Variants in LRRC72 observed in about 807,000 individuals in gnomAD.
The protein encoded by LRRC72 is leucine-rich repeat-containing protein 72.
A neutral mutation model predicts 35.8 loss-of-function variants in LRRC72; 41 were observed. The observed-to-expected ratio is 1.15, with a 90% CI of 0.89 to 1.49. LRRC72 has a LOEUF of 1.49. LRRC72 is among the 40% of genes most tolerant of loss of function. The pLI is 0.00. For missense variants in LRRC72, 389 were observed against 330.7 expected, an observed-to-expected ratio of 1.18 and a Z score of -1.37; for synonymous variants, 118 against 119.2, an observed-to-expected ratio of 0.99 and a Z score of 0.07.
intron 7 of LRRC72, among the ~76,000 whole-genome samples, chr7:16,573,717 C>T (rs1021062095): frequency 6.6e-6 from 1 of 152,166 alleles, no homozygotes; most frequent in African/African-American, 2.4e-5. Context: ...AAAACTTAGG[C>T]AATACCATTC....
intron 5 of LRRC72, among the ~76,000 whole-genome samples, chr7:16,561,546 A>G (rs1782743971): frequency 6.6e-6 from 1 of 152,204 alleles, no homozygotes; most frequent in African/African-American, 2.4e-5. Flanking sequence ...GCCTGGTAGT[A>G]CAATGTCCAT....
intron 3 of LRRC72, among the ~76,000 whole-genome samples, chr7:16,547,724 C>T (rs1782473188): frequency 6.6e-6 from 1 of 152,274 alleles, no homozygotes; most frequent in Admixed American, 6.5e-5. Context: ...CCCCTGCCAC[C>T]TTGGCCCCCT....
At chr7:16,567,318 T>C (rs1782862581) in intron 6 of LRRC72, 73 bp from the exon 7 acceptor site, 7 of 1,026,482 alleles carry the variant, frequency 6.8e-6, no homozygotes, top group Admixed American at 7.0e-5. Context: ...TTCTTGAAAG[T>C]GTTCAGTTCT....
intron 3 of LRRC72, among the ~76,000 whole-genome samples, chr7:16,546,576 T>C (rs1473479172): frequency 6.6e-6 from 1 of 152,188 alleles, no homozygotes; most frequent in African/African-American, 2.4e-5. Flanking sequence ...ACTCCTCTGC[T>C]CAAAACCTCT....
intron 3 of LRRC72, among the ~76,000 whole-genome samples, chr7:16,552,130 A>G (rs145066676): frequency 6.6e-6 from 1 of 152,258 alleles, no homozygotes; most frequent in Non-Finnish European, 1.5e-5. Context: ...AGAGGAGAAA[A>G]TCTGTTTTTT....
intron 1 of LRRC72, among the ~76,000 whole-genome samples, chr7:16,527,719 C>G (rs1782095883): frequency 6.6e-6 from 1 of 152,068 alleles, no homozygotes; most frequent in Non-Finnish European, 1.5e-5. Context: ...TGTGATTAAA[C>G]GAGGCCGAGA....
chr7:16,529,005 C>G (rs1562734517), intron 1 of LRRC72, among the ~76,000 whole-genome samples: 1 of 152,054 alleles, frequency 6.6e-6, no homozygotes, highest in Non-Finnish European at 1.5e-5. Flanking sequence ...ATATATATTT[C>G]ATATATATGT....
intron 3 of LRRC72, among the ~76,000 whole-genome samples, chr7:16,549,807 C>T (rs570536372): frequency 6.6e-6 from 1 of 152,128 alleles, no homozygotes; most frequent in African/African-American, 2.4e-5. Flanking sequence ...AGATGCTACA[C>T]AGCCAAAAAG....
chr7:16,581,124 A>G (rs1044996362), intron 8 of LRRC72, among the ~76,000 whole-genome samples, 200 bp from the exon 9 acceptor site: 1 of 152,232 alleles, frequency 6.6e-6, no homozygotes, highest in Non-Finnish European at 1.5e-5. Context: ...TTTATAAAAT[A>G]AACAATATAT....
chr7:16,553,082 C>G (rs1325839112), intron 3 of LRRC72, among the ~76,000 whole-genome samples: 1 of 152,120 alleles, frequency 6.6e-6, no homozygotes, highest in Admixed American at 6.6e-5. Context: ...ATTTCTTCTT[C>G]TTTCCATTTC....
At chr7:16,577,546 A>T (rs1309988848) in intron 7 of LRRC72, among the ~76,000 whole-genome samples, 1 of 152,226 alleles carries the variant, frequency 6.6e-6, no homozygotes, top group Non-Finnish European at 1.5e-5. Flanking sequence ...AATGAAAAAC[A>T]ATTATATGTA....
At chr7:16,536,772 G>T (rs1196398081) in intron 2 of LRRC72, among the ~76,000 whole-genome samples, 1 of 152,052 alleles carries the variant, frequency 6.6e-6, no homozygotes, top group East Asian at 1.9e-4. Context: ...ATAAAATTTT[G>T]CCATAAATGA....
intron 3 of LRRC72, among the ~76,000 whole-genome samples, chr7:16,548,995 C>T (rs10274650): frequency 6.6e-6 from 1 of 152,058 alleles, no homozygotes; most frequent in Non-Finnish European, 1.5e-5. Flanking sequence ...CTGTTCCCCT[C>T]GAACTTAGCA....
Position 16,527,013 on chromosome 7 carries a change from T to C in LRRC72, c.61T>C (p.Ser21Pro), listed in dbSNP as rs1412697439. 22 of 1,539,334 alleles carry C rather than the reference T, an allele frequency of 1.4e-5. No individual in the cohort carries two copies. The highest frequency in any genetic ancestry group is 1.8e-5 in the Non-Finnish European group (21 of 1,146,926). Residue 21 changes from serine (S) to proline (P), a missense_variant, in exon 1 of 9, where the codon TCC becomes CCC. Physicochemically the swap from Ser to Pro is moderately conservative, Grantham distance 74 (BLOSUM62 -1). Coordinates refer to ENST00000401542, the MANE Select transcript of LRRC72 (RefSeq NM_001195280.2). ...GCGATGCTGGCGCCTACGGAGGGCA[T>C]CCGAAACTGCCCTACAGAGCAGTCG... is the stretch of plus-strand genomic sequence containing the variant. ...TLRCWRLRRA[S>P]ETALQSSRRA...
chr7:16,571,071 G>T (rs562231627), intron 7 of LRRC72, among the ~76,000 whole-genome samples: 9 of 151,166 alleles, frequency 6.0e-5, no homozygotes, highest in African/African-American at 2.0e-4. Flanking sequence ...GGTGTCATTC[G>T]ATTTGTTCCT....
At chr7:16,576,328 T>C (rs7802504) in intron 7 of LRRC72, among the ~76,000 whole-genome samples, 11,665 of 152,228 alleles carry the variant, frequency 0.077, 482 homozygotes, top group African/African-American at 0.11. Flanking sequence ...GGTGACATTC[T>C]AAAAAATTAT....
intron 7 of LRRC72, among the ~76,000 whole-genome samples, chr7:16,573,926 G>T (rs901175948): frequency 6.6e-6 from 1 of 152,116 alleles, no homozygotes; most frequent in African/African-American, 2.4e-5. Flanking sequence ...CTAATATCCG[G>T]AATCTACAAG....
Position 16,561,400 on chromosome 7 carries a change from T to C in LRRC72, c.427+2401T>C, listed in dbSNP as rs1347946594. Among the ~76,000 whole-genome samples the C allele has an allele frequency of 6.6e-5, 10 of 152,210 alleles. 1 individual carries two copies. Among genetic ancestry groups the C allele is most frequent in the Admixed American group, 5.2e-4 (8 of 15,274 alleles). ...ATGCCCATAGTAATAAATAAGGTTA[T>C]ACCCTAAACAAAGGTGCCCAGCCCA... On this transcript the variant is annotated intron_variant, in intron 5 of 8. Transcript: ENST00000401542.
At position 16,526,834 on chromosome 7, in the gene LRRC72, G is replaced by C; in HGVS notation, c.-119G>C. The stretch of plus-strand genomic sequence containing the variant: ...GTGTGGACTGGCTTTTAGTCAACGG[G>C]AATGCGGTAACTGTTGGTAACAGAA... On this transcript the variant is annotated 5_prime_UTR_variant, in exon 1 of 9. Transcript: ENST00000401542. 1 of 787,594 alleles carries C rather than the reference G, an allele frequency of 1.3e-6. No homozygotes were observed. The highest frequency in any genetic ancestry group is 1.5e-5 in the South Asian group (1 of 64,570). 48.8% of individuals were successfully genotyped at this position (787,594 alleles called of 1,614,324 possible). A position where few individuals can be genotyped will look rare whatever the true frequency, so the allele number is the denominator to read the frequency against.
Sources: gnomAD v4.1 joint callset for allele counts (sites outside exome capture counted in the v4.1 genomes callset) on GRCh38, gnomAD v4.1.1 for gene constraint, MANE v1.5 for transcripts, NCBI Gene and HGNC (gene_info 2026-07-23, HGNC 2026-07-21) for gene names.